DENND1A: variants seen among roughly 807,000 people sequenced by gnomAD.
DENND1A encodes DENN domain-containing protein 1A.
A neutral mutation model predicts 113.7 loss-of-function variants in DENND1A; 51 were observed. The observed-to-expected ratio is 0.45, with a 90% CI of 0.36 to 0.57. The LOEUF (loss-of-function observed/expected upper bound fraction) is 0.57. Among genes scored for constraint, DENND1A ranks in the 20% least tolerant of loss-of-function variants. The pLI is 0.00. For missense variants in DENND1A, 1,258 were observed against 1,395.9 expected (o/e 0.90, Z 1.57); for synonymous variants, 565 against 570.8 (o/e 0.99, Z 0.14).
intron 19 of DENND1A, among the ~76,000 whole-genome samples, chr9:123,439,164 G>A (rs1426155534): frequency 1.3e-5 from 2 of 152,222 alleles, no homozygotes; most frequent in Non-Finnish European, 2.9e-5. Flanking sequence ...CTTCAGGGGA[G>A]CAGACACCAG....
chr9:123,623,348 T>TA (rs2061044380), intron 10 of DENND1A, among the ~76,000 whole-genome samples: 1 of 152,232 alleles, frequency 6.6e-6, no homozygotes, highest in South Asian at 2.1e-4. Flanking sequence ...GCCACTTGAC[T>TA]AATAACTCTA....
intron 10 of DENND1A, among the ~76,000 whole-genome samples, chr9:123,626,141 C>T (rs1227402561): frequency 1.3e-5 from 2 of 152,092 alleles, no homozygotes; most frequent in East Asian, 3.8e-4. Flanking sequence ...GATCCTCCTG[C>T]CTTGGCCTCC....
chr9:123,730,990 G>A (rs1420445325), intron 5 of DENND1A, among the ~76,000 whole-genome samples: 3 of 151,972 alleles, frequency 2.0e-5, no homozygotes, highest in African/African-American at 2.4e-5. Flanking sequence ...CATCATTCTC[G>A]GCAAACTAAC....
chr9:123,549,289 T>G (rs1341646610), intron 13 of DENND1A, among the ~76,000 whole-genome samples: 1 of 152,166 alleles, frequency 6.6e-6, no homozygotes, highest in African/African-American at 2.4e-5. Flanking sequence ...CTTGCTGTAC[T>G]GTACATAGTG....
intron 2 of DENND1A, among the ~76,000 whole-genome samples, chr9:123,796,562 T>C (rs895671046): frequency 6.6e-6 from 1 of 152,168 alleles, no homozygotes; most frequent in Non-Finnish European, 1.5e-5. Flanking sequence ...AATAAGAGTG[T>C]GTGCAAGACT....
At chr9:123,872,097 A>T (rs1347847643) in intron 2 of DENND1A, among the ~76,000 whole-genome samples, 8 of 152,070 alleles carry the variant, frequency 5.3e-5, no homozygotes, top group Admixed American at 4.6e-4. Context: ...AACTGTCTTG[A>T]TTTTCTGGGA....
intron 9 of DENND1A, among the ~76,000 whole-genome samples, chr9:123,648,367 G>A (rs1335367049): frequency 6.6e-6 from 1 of 152,214 alleles, no homozygotes; most frequent in African/African-American, 2.4e-5. Context: ...GTAAGTCATT[G>A]TGCCCAGCCA....
At chr9:123,480,701 C>T (rs1381387109) in intron 13 of DENND1A, among the ~76,000 whole-genome samples, 2 of 152,144 alleles carry the variant, frequency 1.3e-5, no homozygotes, top group Non-Finnish European at 2.9e-5. Flanking sequence ...CCGCCAGCCT[C>T]CCCCTTGAGG....
rs77455262 is a variant in DENND1A at position 123,575,403 on chromosome 9, C to T, written c.867+7766G>A. On this transcript the variant is annotated intron_variant, in intron 12 of 23. Transcript: ENST00000394215. ...GTTCCGAACAGGCCATGAACTGGCACCAATCCACAGCCCAGGGGTTGGAGA... is the reference window on the plus strand; with the variant it reads ...GTTCCGAACAGGCCATGAACTGGCATCAATCCACAGCCCAGGGGTTGGAGA... Among the ~76,000 whole-genome samples the T allele has an allele frequency of 7.9e-5, 12 of 152,296 alleles. No individual in the cohort carries two copies. The East Asian group carries it at 2.3e-3, about 29-fold the overall frequency.
chr9:123,395,302 A>G (rs2043056698), intron 21 of DENND1A, among the ~76,000 whole-genome samples: 1 of 152,050 alleles, frequency 6.6e-6, no homozygotes, highest in African/African-American at 2.4e-5. Context: ...GGCGACAGAC[A>G]AATGGGTCCC....
At chr9:123,647,647 T>G (rs1200275244) in intron 9 of DENND1A, among the ~76,000 whole-genome samples, 1 of 152,202 alleles carries the variant, frequency 6.6e-6, no homozygotes, top group African/African-American at 2.4e-5. Flanking sequence ...AACTTTATAT[T>G]AATGAAATCA....
intron 13 of DENND1A, among the ~76,000 whole-genome samples, chr9:123,507,573 G>A (rs1278659380): frequency 6.6e-6 from 1 of 151,958 alleles, no homozygotes; most frequent in Non-Finnish European, 1.5e-5. Flanking sequence ...TTTTTGCTGG[G>A]CACAGTGGCT....
At chr9:123,872,548 G>A (rs1846808706) in intron 2 of DENND1A, among the ~76,000 whole-genome samples, 1 of 152,016 alleles carries the variant, frequency 6.6e-6, no homozygotes, top group African/African-American at 2.4e-5. Flanking sequence ...AGACAATAAG[G>A]AAGTAAATAT....
chr9:123,854,370 A>C (rs1843825938), intron 2 of DENND1A, among the ~76,000 whole-genome samples: 1 of 152,166 alleles, frequency 6.6e-6, no homozygotes, highest in African/African-American at 2.4e-5. Flanking sequence ...AATAAAATTC[A>C]AAATGACCCA....
At chr9:123,410,398 C>G (rs114071342) in intron 20 of DENND1A, among the ~76,000 whole-genome samples, 1,525 of 152,340 alleles carry the variant, frequency 0.01, 27 homozygotes, top group African/African-American at 0.035. Flanking sequence ...TGACAGTGAG[C>G]AGACATATTC....
chr9:123,712,098 A>G (rs1253879517), intron 5 of DENND1A, among the ~76,000 whole-genome samples: 2 of 152,224 alleles, frequency 1.3e-5, no homozygotes, highest in African/African-American at 2.4e-5. Flanking sequence ...CAAACATATT[A>G]TACCTCTAGG....
intron 13 of DENND1A, among the ~76,000 whole-genome samples, chr9:123,556,653 C>A (rs2057431430): frequency 6.6e-6 from 1 of 152,252 alleles, no homozygotes; most frequent in African/African-American, 2.4e-5. Flanking sequence ...TCCGACTAGG[C>A]TGGGTGTGAC....
chr9:123,626,378 G>A (rs185894364), intron 10 of DENND1A, among the ~76,000 whole-genome samples: 2 of 151,970 alleles, frequency 1.3e-5, no homozygotes, highest in Non-Finnish European at 2.9e-5. Context: ...ATGGCAGCAG[G>A]TTCTACATGC....
intron 2 of DENND1A, among the ~76,000 whole-genome samples, chr9:123,825,085 T>C (rs1407568437): frequency 1.3e-5 from 2 of 152,106 alleles, no homozygotes; most frequent in Middle Eastern, 3.4e-3. Flanking sequence ...GAGAATAAAA[T>C]GCACCATTAG....
Sources: gnomAD v4.1 joint callset for allele counts (sites outside exome capture counted in the v4.1 genomes callset) on GRCh38, gnomAD v4.1.1 for gene constraint, MANE v1.5 for transcripts, NCBI Gene and HGNC (gene_info 2026-07-23, HGNC 2026-07-21) for gene names.